EXPH5: variants seen among roughly 807,000 people sequenced by gnomAD.
The protein encoded by EXPH5 is exophilin 5.
Under a neutral mutation model 41.1 loss-of-function variants are expected in EXPH5, and 42 were observed. The ratio of observed to expected loss-of-function variants is 1.02; its 90% CI spans 0.80 to 1.32. The LOEUF (loss-of-function observed/expected upper bound fraction) is 1.32. Among genes scored for constraint, EXPH5 ranks in the 40% most tolerant of loss-of-function variants. The pLI is 0.00. For synonymous variants in EXPH5, 798 were observed against 833.5 expected, an observed-to-expected ratio of 0.96 and a Z score of 0.73; for missense variants, 2,298 against 2,314.5, an observed-to-expected ratio of 0.99 and a Z score of 0.15.
intron 3 of EXPH5, among the ~76,000 whole-genome samples, chr11:108,531,516 C>G (rs148674583): frequency 3.4e-4 from 52 of 152,282 alleles, no homozygotes; most frequent in Middle Eastern, 3.4e-3. Flanking sequence ...AATCCAGAAC[C>G]CTTTAAGTCT....
chr11:108,589,070 G>GT (rs2136126244), intron 1 of EXPH5, among the ~76,000 whole-genome samples: 1 of 152,282 alleles, frequency 6.6e-6, no homozygotes, highest in South Asian at 2.1e-4. Flanking sequence ...TGTTCTTGTT[G>GT]TCCCTTTTCC....
At position 108,510,935 on chromosome 11, in the gene EXPH5, C is replaced by T. The variant is rs1207271674; in HGVS notation, c.4572G>A (p.Gln1524=). 2 of 1,613,982 alleles carry T rather than the reference C, an allele frequency of 1.2e-6. No individual in the cohort carries two copies. Among genetic ancestry groups the T allele is most frequent in the Non-Finnish European group, 1.7e-6 (2 of 1,179,990 alleles). ...GACTCTCTAAGTTTGGTTCATCTGA[C>T]TGAGTCTCCTCACCAAGCTGTAGTT... is the stretch of plus-strand genomic sequence containing the variant. ...LHKLQLGEET[Q]SDEPNLESLQ... Residue 1524 remains glutamine, a synonymous_variant, in exon 6 of 6, where the codon CAG becomes CAA. Coordinates refer to ENST00000265843, the MANE Select transcript of EXPH5 (RefSeq NM_015065.3).
At chr11:108,545,911 AAC>A (rs113312846) in intron 1 of EXPH5, among the ~76,000 whole-genome samples, 7,008 of 151,858 alleles carry the variant, frequency 0.046, 510 homozygotes, top group African/African-American at 0.15. Context: ...TAAAAAAAAA[AAC>A]AACAGTAAAT....
Position 108,513,165 on chromosome 11 carries a change from A to G in EXPH5, c.2342T>C (p.Met781Thr). Residue 781 changes from methionine to threonine, a missense_variant, in exon 6 of 6, where the codon ATG becomes ACG. Met to Thr is a moderately conservative substitution (Grantham distance 81). Coordinates refer to ENST00000265843, the MANE Select transcript of EXPH5 (RefSeq NM_015065.3). ...GGATTTATCTGTGTGCGGTATATAC[A>G]TTTTGGAGGTATCTTTCCTGGAAAA... ...RVFSRKDTSK[M>T]YIPHTDKSND... 1 of 1,614,032 alleles carries G rather than the reference A, an allele frequency of 6.2e-7. No individual in the cohort carries two copies. The highest frequency in any genetic ancestry group is 1.1e-5 in the South Asian group (1 of 91,046).
chr11:108,560,917 A>G (rs1591739889), intron 1 of EXPH5, among the ~76,000 whole-genome samples: 2 of 152,200 alleles, frequency 1.3e-5, no homozygotes, highest in African/African-American at 2.4e-5. Flanking sequence ...CTCAATCTCA[A>G]TAATAAAGTT....
rs1390117310 is a variant in EXPH5, at chr11:108,512,735, T to G, written c.2772A>C (p.Lys924Asn). The change falls in exon 6 of 6, where the codon AAA (lysine) becomes AAC (asparagine). Residue 924 changes from lysine to asparagine, a missense_variant. Physicochemically the swap from Lys to Asn is moderately conservative, Grantham distance 94 (BLOSUM62 0). Transcript: ENST00000265843. ...KDPSLGEREEKDNAGKNQKNQ... is the reference protein window; with the variant it reads ...KDPSLGEREENDNAGKNQKNQ... ...TCTTTTGGTTCTTCCCAGCATTGTCTTTTTCTTCTCTTTCTCCTAGCGATG... is the reference window on the plus strand; with the variant it reads ...TCTTTTGGTTCTTCCCAGCATTGTCGTTTTCTTCTCTTTCTCCTAGCGATG... The G allele has an allele frequency of 1.9e-6, 3 of 1,613,606 alleles. No individual in the cohort carries two copies. Among genetic ancestry groups the G allele is most frequent in the African/African-American group, 2.7e-5 (2 of 74,864 alleles).
At chr11:108,606,064 T>C in the EXPH5 span, among the ~76,000 whole-genome samples, 1 of 152,222 alleles carries the variant, frequency 6.6e-6, no homozygotes, top group African/African-American at 2.4e-5. Flanking sequence ...GTTCTCACTC[T>C]GTTGCTCAGG....
At chr11:108,562,128 G>A in intron 1 of EXPH5, among the ~76,000 whole-genome samples, 1 of 152,148 alleles carries the variant, frequency 6.6e-6, no homozygotes, top group East Asian at 1.9e-4. Flanking sequence ...TCACCTGAAA[G>A]AACATAATGA....
intron 3 of EXPH5, among the ~76,000 whole-genome samples, chr11:108,535,038 G>A (rs915008984): frequency 1.3e-5 from 2 of 152,294 alleles, no homozygotes; most frequent in South Asian, 4.1e-4. Context: ...GAGTGGGACA[G>A]AAGCTTGATA....
intron 1 of EXPH5, among the ~76,000 whole-genome samples, chr11:108,591,267 A>T (rs1408237038): frequency 6.6e-6 from 1 of 152,232 alleles, no homozygotes; most frequent in Non-Finnish European, 1.5e-5. Context: ...GGAAAATATG[A>T]TCACACATAT....
chr11:108,532,627 A>G (rs1591703055), intron 3 of EXPH5, among the ~76,000 whole-genome samples: 1 of 151,648 alleles, frequency 6.6e-6, no homozygotes, highest in East Asian at 1.9e-4. Flanking sequence ...GCCAATAAAA[A>G]CTTTGTATGA....
In EXPH5 at chr11:108,529,557, T is replaced by C. The variant is rs143331471; in HGVS notation, c.444-1373A>G. On this transcript the variant is annotated intron_variant, in intron 3 of 5. Coordinates refer to ENST00000265843, the MANE Select transcript of EXPH5 (RefSeq NM_015065.3). Reference sequence around the variant, plus strand: ...TTCTCTGTCTGAATTCATGATTTAATAGACTGTCCAGGTGTGGTGGCTCCT... The same window carrying C: ...TTCTCTGTCTGAATTCATGATTTAACAGACTGTCCAGGTGTGGTGGCTCCT... Among the ~76,000 whole-genome samples the C allele has an allele frequency of 5.0e-3, 765 of 152,160 alleles. 6 individuals are homozygous for C. The highest frequency in any genetic ancestry group is 0.018 in the African/African-American group (730 of 41,540).
rs1322355236 is a variant in EXPH5 at position 108,512,207 on chromosome 11, T to G, written c.3300A>C (p.Thr1100=). ...LEAPEATERM[T]NVKSSGSTSV... is the part of the protein sequence containing the mutation. ...AAGTAGATCCACTGCTTTTTACATT[T>G]GTCATTCTCTCTGTGGCTTCAGGTG... The change falls in exon 6 of 6, where the codon ACA becomes ACC. Residue 1100 remains threonine, a synonymous_variant. Transcript: ENST00000265843. The G allele has an allele frequency of 6.2e-7, 1 of 1,607,768 alleles. No homozygotes were observed. The highest frequency in any genetic ancestry group is 2.2e-5 in the East Asian group (1 of 44,834).
At chr11:108,554,064 T>C (rs1471341049) in intron 1 of EXPH5, among the ~76,000 whole-genome samples, 3 of 94,126 alleles carry the variant, frequency 3.2e-5, no homozygotes, top group East Asian at 3.2e-3. Flanking sequence ...GCCCCTGACC[T>C]TTTTTTTTTT....
upstream of EXPH5, among the ~76,000 whole-genome samples, chr11:108,598,684 A>G (rs2094142025): frequency 6.6e-6 from 1 of 152,002 alleles, no homozygotes; most frequent in African/African-American, 2.4e-5. Flanking sequence ...AGCGCTTTCC[A>G]AGCAGAGGCA....
intron 1 of EXPH5, among the ~76,000 whole-genome samples, chr11:108,554,092 C>A (rs549147860): frequency 1.3e-4 from 18 of 140,526 alleles, no homozygotes; most frequent in South Asian, 1.1e-3. Context: ...GTGACAGGGT[C>A]TTGCTCTGTT....
intron 1 of EXPH5, among the ~76,000 whole-genome samples, chr11:108,552,554 C>T (rs967605177): frequency 6.6e-6 from 1 of 152,124 alleles, no homozygotes; most frequent in Non-Finnish European, 1.5e-5. Context: ...TAATAAAGCC[C>T]ACTTCAACTC....
intron 1 of EXPH5, among the ~76,000 whole-genome samples, chr11:108,562,266 T>TGG (rs56160951): frequency 1.2e-5 from 1 of 80,626 alleles, no homozygotes; most frequent in Non-Finnish European, 1.9e-5. Flanking sequence ...TTTTTCTGTG[T>TGG]TTTTTTTTTT....
chr11:108,526,005 C>G (rs1754398801), intron 4 of EXPH5, among the ~76,000 whole-genome samples: 2 of 150,040 alleles, frequency 1.3e-5, no homozygotes, highest in East Asian at 2.0e-4. Flanking sequence ...GCCTCCAACT[C>G]CTGGGCTCAA....
Sources: allele counts gnomAD v4.1 joint callset (sites outside exome capture counted in the v4.1 genomes callset), GRCh38; gene constraint gnomAD v4.1.1; transcripts MANE v1.5; gene names NCBI Gene and HGNC (gene_info 2026-07-23, HGNC 2026-07-21).